The following GRM5 variants were observed in gnomAD, a reference collection of about 807,000 sequenced individuals.
The protein encoded by GRM5 is glutamate metabotropic receptor 5, also known as metabotropic glutamate receptor 5.
In GRM5, 19 loss-of-function variants were observed where a neutral mutation model predicts 83.1. That is an observed-to-expected ratio of 0.23 (90% CI 0.16 to 0.34). GRM5 has a LOEUF of 0.34. Among genes scored for constraint, GRM5 ranks in the 10% least tolerant of loss-of-function variants. The probability of loss-of-function intolerance (pLI) is 1.00; values close to 1 mark genes in which losing one functional copy is unlikely to be tolerated. For missense variants in GRM5, 1,160 were observed against 1,588.3 expected (o/e 0.73, Z 4.58); for synonymous variants, 675 against 633.6 (o/e 1.07, Z -0.98).
chr11:88,839,308 T>C (rs1944152008), intron 3 of GRM5, among the ~76,000 whole-genome samples: 1 of 152,136 alleles, frequency 6.6e-6, no homozygotes, highest in Non-Finnish European at 1.5e-5. Flanking sequence ...AGTAAAAATA[T>C]TTTCAACATA....
intron 2 of GRM5, among the ~76,000 whole-genome samples, chr11:88,887,487 GGACA>G (rs1244406899): frequency 6.6e-6 from 1 of 152,088 alleles, no homozygotes; most frequent in Non-Finnish European, 1.5e-5. Flanking sequence ...CACAGGCAGA[GGACA>G]GAGGACTAGA....
rs534883263 is a variant in GRM5, at chr11:88,685,664, GCTAACGACTTGGTGTC to G, written c.912-32277_912-32262del. Among the ~76,000 whole-genome samples, 602 of 152,252 alleles carry G rather than the reference GCTAACGACTTGGTGTC, an allele frequency of 4.0e-3. 11 individuals are homozygous for G. The East Asian group carries it at 0.061, about 15-fold the overall frequency. On this transcript the variant is annotated intron_variant, in intron 3 of 9. Coordinates refer to ENST00000305447, the MANE Select transcript of GRM5 (RefSeq NM_001143831.3). ...CCCAGGGTCCCAGTGCTGTGTGCAGGCTAACGACTTGGTGTCCTGCATCCCAGCCACTACAGCCATG... is the reference window on the plus strand; with the variant it reads ...CCCAGGGTCCCAGTGCTGTGTGCAGGCTGCATCCCAGCCACTACAGCCATG...
At chr11:88,885,826 C>A (rs1435934351) in intron 2 of GRM5, among the ~76,000 whole-genome samples, 1 of 152,114 alleles carries the variant, frequency 6.6e-6, no homozygotes, top group African/African-American at 2.4e-5. Flanking sequence ...AGTTGAGCTG[C>A]AGAGGTAGAC....
intron 4 of GRM5, among the ~76,000 whole-genome samples, chr11:88,606,220 A>G (rs75667529): frequency 0.035 from 5,341 of 152,348 alleles, 310 homozygotes; most frequent in African/African-American, 0.12. Context: ...TGCTTAAGCC[A>G]TGTTAAGATT....
chr11:89,006,124 G>A (rs1035567932), intron 2 of GRM5, among the ~76,000 whole-genome samples: 3 of 152,142 alleles, frequency 2.0e-5, no homozygotes, highest in African/African-American at 7.2e-5. Context: ...TGCAGAATAC[G>A]GAAAGAGAAC....
rs559574896 is a variant in GRM5, at chr11:88,766,056, C to T, written c.911+83850G>A. 4.6e-5 allele frequency among the ~76,000 whole-genome samples: 7 copies of T among 151,718 alleles called. No individual in the cohort carries two copies. The East Asian group carries it at 1.4e-3, about 29-fold the overall frequency. ...ATAGAGATTTACCCAAAGAAGGTAT[C>T]TGAATGGTCCATACACACATGAAAA... On this transcript the variant is annotated intron_variant, in intron 3 of 9. Coordinates refer to ENST00000305447, the MANE Select transcript of GRM5 (RefSeq NM_001143831.3).
intron 3 of GRM5, among the ~76,000 whole-genome samples, chr11:88,756,142 C>T (rs1177081472): frequency 1.3e-5 from 2 of 152,136 alleles, no homozygotes; most frequent in Non-Finnish European, 2.9e-5. Context: ...CTTACTTTAG[C>T]ATTCTAACAG....
At chr11:89,006,400 T>C (rs1199027689) in intron 2 of GRM5, among the ~76,000 whole-genome samples, 1 of 152,218 alleles carries the variant, frequency 6.6e-6, no homozygotes, top group Non-Finnish European at 1.5e-5. Context: ...TTTTGGACTC[T>C]AGTCATTAAC....
At chr11:88,710,560 A>G (rs1266427081) in intron 3 of GRM5, among the ~76,000 whole-genome samples, 4 of 152,146 alleles carry the variant, frequency 2.6e-5, no homozygotes, top group African/African-American at 9.7e-5. Context: ...GGAAAATATA[A>G]TATGCTACTA....
At chr11:88,854,744 A>G (rs911155069) in intron 2 of GRM5, among the ~76,000 whole-genome samples, 1 of 152,030 alleles carries the variant, frequency 6.6e-6, no homozygotes, top group Non-Finnish European at 1.5e-5. Flanking sequence ...CAATATACCC[A>G]TGTAACAAAC....
At chr11:89,041,370 C>A (rs897109771) in intron 2 of GRM5, among the ~76,000 whole-genome samples, 4 of 152,140 alleles carry the variant, frequency 2.6e-5, no homozygotes, top group Admixed American at 1.3e-4. Context: ...TGGGAGTTTT[C>A]TAGTATTTTC....
intron 3 of GRM5, among the ~76,000 whole-genome samples, chr11:88,744,212 T>C (rs1432354218): frequency 6.6e-6 from 1 of 152,100 alleles, no homozygotes; most frequent in African/African-American, 2.4e-5. Flanking sequence ...ACATTAAGTA[T>C]TTTCAAGTGA....
At chr11:88,543,590 G>GA (rs138823034) in intron 8 of GRM5, among the ~76,000 whole-genome samples, 54,900 of 136,804 alleles carry the variant, frequency 0.4, 12,688 homozygotes, top group East Asian at 0.61. Context: ...CAGAGAAGAG[G>GA]AAAAAAAAAA....
chr11:88,575,764 C>T (rs969113394), intron 7 of GRM5, among the ~76,000 whole-genome samples: 3 of 152,218 alleles, frequency 2.0e-5, no homozygotes, highest in Non-Finnish European at 4.4e-5. Flanking sequence ...ACATTCCCAA[C>T]TTTGCTACAG....
chr11:88,849,704 C>A lies in GRM5; in HGVS notation c.911+202G>T, dbSNP rs1208014098. ...ATGCATCATCTTCATTTGTTGATTC[C>A]TGTTACTATTAATCAGCACATGGCG... On this transcript the variant is annotated intron_variant, in intron 3 of 9. Coordinates refer to ENST00000305447, the MANE Select transcript of GRM5 (RefSeq NM_001143831.3). Among the ~76,000 whole-genome samples the A allele has an allele frequency of 2.0e-5, 3 of 152,120 alleles. No homozygotes were observed. In the East Asian group the frequency reaches 5.8e-4, roughly 29 times the overall value.
chr11:88,848,949 G>A (rs868789733), intron 3 of GRM5, among the ~76,000 whole-genome samples: 23 of 152,102 alleles, frequency 1.5e-4, no homozygotes, highest in African/African-American at 3.9e-4. Flanking sequence ...GATGGACATC[G>A]GTCTTTTTCA....
At chr11:88,894,852 G>A (rs748771758) in intron 2 of GRM5, among the ~76,000 whole-genome samples, 2 of 151,966 alleles carry the variant, frequency 1.3e-5, no homozygotes, top group African/African-American at 2.4e-5. Context: ...TCCCCAACAT[G>A]AGAATACAAT....
intron 8 of GRM5, among the ~76,000 whole-genome samples, chr11:88,549,164 C>T (rs1237243281): frequency 6.6e-6 from 1 of 151,936 alleles, no homozygotes; most frequent in Non-Finnish European, 1.5e-5. Flanking sequence ...AGGAAGAATA[C>T]CAAAGAAATG....
intron 3 of GRM5, among the ~76,000 whole-genome samples, chr11:88,765,707 C>A (rs1230471653): frequency 2.0e-5 from 3 of 151,492 alleles, no homozygotes; most frequent in Admixed American, 2.0e-4. Context: ...GGATGAAAGA[C>A]CTAAATATAA....
Sources: allele counts gnomAD v4.1 joint callset (sites outside exome capture counted in the v4.1 genomes callset), GRCh38; gene constraint gnomAD v4.1.1; transcripts MANE v1.5; gene names NCBI Gene and HGNC (gene_info 2026-07-23, HGNC 2026-07-21).